Variants in NCKAP1L observed in about 807,000 individuals in gnomAD.
NCKAP1L encodes the protein nck-associated protein 1-like.
NCKAP1L carries 53 observed loss-of-function variants against 139.2 expected under a neutral mutation model. The ratio of observed to expected loss-of-function variants is 0.38; its 90% CI spans 0.31 to 0.48. The LOEUF is 0.48. NCKAP1L is among the 20% of genes least tolerant of loss of function. The probability of loss-of-function intolerance (pLI) is 0.98; values close to 1 mark genes in which losing one functional copy is unlikely to be tolerated. For synonymous variants in NCKAP1L, 468 were observed against 499.7 expected, an observed-to-expected ratio of 0.94 and a Z score of 0.85; for missense variants, 1,151 against 1,381.9, an observed-to-expected ratio of 0.83 and a Z score of 2.65.
At chr12:54,528,212 G>C (rs972163894) in intron 21 of NCKAP1L, 35 bp from the exon 22 acceptor site, 1 of 1,609,312 alleles carries the variant, frequency 6.2e-7, no homozygotes, top group African/African-American at 1.3e-5. Flanking sequence ...GAAGGGATTG[G>C]ATCCTAATCT....
At chr12:54,536,540 C>T (rs1957114308) in intron 28 of NCKAP1L, 2 of 332,718 alleles carry the variant, frequency 6.0e-6, no homozygotes, top group South Asian at 2.9e-5. Context: ...GGCCTGTAGT[C>T]CCAGCTACCT....
chr12:54,500,189 T>C (rs1956786565), intron 2 of NCKAP1L, among the ~76,000 whole-genome samples: 1 of 151,730 alleles, frequency 6.6e-6, no homozygotes, highest in Non-Finnish European at 1.5e-5. Context: ...AGTAGCACAA[T>C]CTTGGCTCAC....
rs530091907 is a variant in NCKAP1L at position 54,535,571 on chromosome 12, G to A, written c.2956+374G>A. Among the ~76,000 whole-genome samples, 10 of 152,306 alleles carry A rather than the reference G, an allele frequency of 6.6e-5. No homozygotes were observed. In the South Asian group the frequency reaches 1.7e-3, roughly 25 times the overall value. On this transcript the variant is annotated intron_variant, in intron 27 of 30. Coordinates refer to ENST00000293373, the MANE Select transcript of NCKAP1L (RefSeq NM_005337.5). Reference sequence around the variant, plus strand: ...ACAAAATAGTGGGTTGTGTGGTATAGCACCCAAACTCCCCATAGTGATTTT... The same window carrying A: ...ACAAAATAGTGGGTTGTGTGGTATAACACCCAAACTCCCCATAGTGATTTT...
At chr12:54,528,114 C>G in intron 21 of NCKAP1L, 133 bp from the exon 22 acceptor site, 1 of 1,072,466 alleles carries the variant, frequency 9.3e-7, no homozygotes, top group Non-Finnish European at 1.4e-6. Flanking sequence ...ATTGTGCCAT[C>G]TTCTTTGAGT....
At chr12:54,531,237 G>A (rs1365660482) in intron 22 of NCKAP1L, 23 bp from the exon 23 acceptor site, 1 of 1,593,190 alleles carries the variant, frequency 6.3e-7, no homozygotes, top group Non-Finnish European at 8.6e-7. Context: ...GTCCCATCTG[G>A]GGCCTCTGTA....
intron 21 of NCKAP1L, among the ~76,000 whole-genome samples, chr12:54,527,968 G>C (rs1957039782): frequency 6.6e-6 from 1 of 152,210 alleles, no homozygotes; most frequent in South Asian, 2.1e-4. Flanking sequence ...TGTTGGAAAA[G>C]AGCAGTGGTT....
At chr12:54,534,043 G>GT (rs1458962078) in intron 26 of NCKAP1L, among the ~76,000 whole-genome samples, 3 of 152,160 alleles carry the variant, frequency 2.0e-5, no homozygotes, top group African/African-American at 7.2e-5. Context: ...AGACATTCAG[G>GT]TATCAATCAA....
Position 54,500,558 on chromosome 12 carries a change from A to T in NCKAP1L, c.239A>T (p.Glu80Val). 2 of 1,613,366 alleles carry T rather than the reference A, an allele frequency of 1.2e-6. No individual in the cohort carries two copies. The highest frequency in any genetic ancestry group is 2.2e-5 in the South Asian group (2 of 91,040). Residue 80 changes from glutamate to valine, a missense_variant, in exon 3 of 31, where the codon GAA (glutamate) becomes GTA (valine). Coordinates refer to ENST00000293373, the MANE Select transcript of NCKAP1L (RefSeq NM_005337.5). ...STQHLGPVHR[E>V]KAEIIRFLTN... ...CAACATTTAGGACCAGTACATCGTG[A>T]AAAAGCCGAGATAATTAGATTCCTC...
chr12:54,508,579 A>G lies in NCKAP1L; in HGVS notation c.506+48A>G, dbSNP rs1485015212. Reference sequence around the variant, plus strand: ...TATGAAGAGTCTCATACATGGTGCTATGATGTAGAGAGTCCCTCATGCAAA... The same window carrying G: ...TATGAAGAGTCTCATACATGGTGCTGTGATGTAGAGAGTCCCTCATGCAAA... On this transcript the variant is annotated intron_variant, in intron 5 of 30. Coordinates refer to ENST00000293373, the MANE Select transcript of NCKAP1L (RefSeq NM_005337.5). 6 of 1,589,702 alleles carry G rather than the reference A, an allele frequency of 3.8e-6. No homozygotes were observed. In the African/African-American group the frequency reaches 5.4e-5, roughly 14 times the overall value.
At chr12:54,523,111 G>T (rs552142269) in intron 18 of NCKAP1L, among the ~76,000 whole-genome samples, 1 of 152,260 alleles carries the variant, frequency 6.6e-6, no homozygotes, top group South Asian at 2.1e-4. Context: ...CATTAAGAAA[G>T]GTTCTCTCAG....
chr12:54,533,460 A>G (rs76664911), intron 26 of NCKAP1L, among the ~76,000 whole-genome samples: 10 of 152,196 alleles, frequency 6.6e-5, no homozygotes, highest in African/African-American at 2.4e-4. Context: ...GTGGTTCCAC[A>G]AACGGTCATT....
chr12:54,500,838 T>C, intron 3 of NCKAP1L: 1 of 418,634 alleles, frequency 2.4e-6, no homozygotes, highest in Non-Finnish European at 4.3e-6. Context: ...TATGTATGTA[T>C]ATGTATTTAG....
At chr12:54,511,164 G>A (rs1956885336) in intron 7 of NCKAP1L, among the ~76,000 whole-genome samples, 1 of 152,218 alleles carries the variant, frequency 6.6e-6, no homozygotes, top group African/African-American at 2.4e-5. Context: ...GAGAAATCAT[G>A]AGAAGATTTC....
intron 20 of NCKAP1L, among the ~76,000 whole-genome samples, chr12:54,525,304 T>C (rs1245007306): frequency 6.6e-6 from 1 of 152,230 alleles, no homozygotes; most frequent in Admixed American, 6.5e-5. Context: ...TATGAATCTA[T>C]GTTTTGATTG....
At chr12:54,523,681 T>G (rs1163752882) in intron 19 of NCKAP1L, 142 bp downstream of exon 19, 2 of 1,437,348 alleles carry the variant, frequency 1.4e-6, no homozygotes, top group African/African-American at 2.9e-5. Flanking sequence ...AATGCGAATT[T>G]CCTACTTTGC....
intron 30 of NCKAP1L, among the ~76,000 whole-genome samples, chr12:54,539,760 A>C (rs1430353708): frequency 6.6e-6 from 1 of 152,082 alleles, no homozygotes; most frequent in Non-Finnish European, 1.5e-5. Context: ...GGCCAATGGG[A>C]AGAGGTAGAG....
intron 16 of NCKAP1L, among the ~76,000 whole-genome samples, chr12:54,520,280 G>T (rs1956971138): frequency 6.6e-6 from 1 of 152,198 alleles, no homozygotes; most frequent in East Asian, 1.9e-4. Flanking sequence ...AGTCTCATGG[G>T]ATTAATTTGA....
At chr12:54,538,670 T>G (rs1254459467) in intron 29 of NCKAP1L, among the ~76,000 whole-genome samples, 1 of 152,164 alleles carries the variant, frequency 6.6e-6, no homozygotes, top group Non-Finnish European at 1.5e-5. Flanking sequence ...TGGCAACCTG[T>G]TGTCTGCACT....
At chr12:54,532,124 C>T in intron 25 of NCKAP1L, 46 bp from the exon 26 acceptor site, 2 of 1,335,464 alleles carry the variant, frequency 1.5e-6, no homozygotes, top group South Asian at 2.6e-5. Context: ...TTTTTGAAGG[C>T]ATTGGTCATG....
Sources: gnomAD v4.1 joint callset for allele counts (sites outside exome capture counted in the v4.1 genomes callset) on GRCh38, gnomAD v4.1.1 for gene constraint, MANE v1.5 for transcripts, NCBI Gene and HGNC (gene_info 2026-07-23, HGNC 2026-07-21) for gene names.